Variants in WIF1 observed in about 807,000 individuals in gnomAD.
The protein encoded by WIF1 is Wnt inhibitory factor 1.
In WIF1, 35 loss-of-function variants were observed where a neutral mutation model predicts 53.5. The observed-to-expected ratio is 0.65, with a 90% CI of 0.50 to 0.87. The LOEUF (loss-of-function observed/expected upper bound fraction) is 0.87, where lower values mean the gene tolerates loss of function less well. Among genes scored for constraint, WIF1 ranks in the 40% least tolerant of loss-of-function variants. The pLI, the probability that WIF1 is intolerant of heterozygous loss-of-function variation, is 0.00. For missense variants in WIF1, 467 were observed against 476.8 expected (o/e 0.98, Z 0.19); for synonymous variants, 171 against 170.4 (o/e 1.00, Z -0.03).
At chr12:65,079,952 T>C (rs937681657) in intron 2 of WIF1, among the ~76,000 whole-genome samples, 2 of 152,280 alleles carry the variant, frequency 1.3e-5, no homozygotes, top group Non-Finnish European at 1.5e-5. Flanking sequence ...TGCAAAAGAA[T>C]ATGACCCTAC....
chr12:65,074,817 C>CAAAA (rs758690202), intron 3 of WIF1, among the ~76,000 whole-genome samples: 1,777 of 55,130 alleles, frequency 0.032, 128 homozygotes, highest in African/African-American at 0.095. Context: ...CACTCTGTCT[C>CAAAA]AAAAAAAAAA....
At chr12:65,116,204 G>T (rs1296704969) in intron 2 of WIF1, among the ~76,000 whole-genome samples, 1 of 152,102 alleles carries the variant, frequency 6.6e-6, no homozygotes, top group Non-Finnish European at 1.5e-5. Flanking sequence ...TACACCAGGG[G>T]TCCCCAACCC....
chr12:65,066,517 C>A, intron 6 of WIF1, 124 bp downstream of exon 6: 1 of 676,870 alleles, frequency 1.5e-6, no homozygotes. Context: ...ACTATAGCAG[C>A]CATCTTTACC....
chr12:65,080,877 T>C (rs1456455684), intron 2 of WIF1, among the ~76,000 whole-genome samples: 1 of 152,156 alleles, frequency 6.6e-6, no homozygotes, highest in Non-Finnish European at 1.5e-5. Context: ...TTGAGCTTTG[T>C]CACATTATAA....
intron 7 of WIF1, among the ~76,000 whole-genome samples, chr12:65,060,325 G>A (rs2136610716): frequency 6.6e-6 from 1 of 152,300 alleles, no homozygotes; most frequent in East Asian, 1.9e-4. Context: ...TAAACAAAAT[G>A]TGGTAAATCC....
Position 65,121,289 on chromosome 12 carries a change from CA to C in WIF1, c.-99del. On this transcript the variant is annotated 5_prime_UTR_variant, in exon 1 of 10. Transcript: ENST00000286574. ...TCTGCTGCGCTGCAGCTCCCTCAGC[CA>C]GGGCTGTTCCCGTTTAGACGGCTGG... is the stretch of plus-strand genomic sequence containing the variant. 7.7e-7 allele frequency: 1 copy of C among 1,300,616 alleles called. No homozygotes were observed. Among genetic ancestry groups the C allele is most frequent in the Non-Finnish European group, 9.8e-7 (1 of 1,021,168 alleles). The allele number at this position is 1,300,616 out of a possible 1,614,324, so 80.6% of individuals were successfully genotyped here. A position where few individuals can be genotyped will look rare whatever the true frequency, so the allele number is the denominator to read the frequency against.
intron 2 of WIF1, among the ~76,000 whole-genome samples, chr12:65,117,816 T>C (rs1883535939): frequency 6.6e-6 from 1 of 152,128 alleles, no homozygotes; most frequent in Admixed American, 6.5e-5. Context: ...CACACTCCTA[T>C]GAGAATCTTA....
intron 8 of WIF1, among the ~76,000 whole-genome samples, chr12:65,055,460 T>C (rs1465477653): frequency 6.6e-6 from 1 of 152,188 alleles, no homozygotes; most frequent in Non-Finnish European, 1.5e-5. Context: ...TGCTGGAGCA[T>C]GGAAGTTTAT....
rs1883199152 is a variant in WIF1, at chr12:65,096,031, A to C, written c.289-18177T>G. On this transcript the variant is annotated intron_variant, in intron 2 of 9. Coordinates refer to ENST00000286574, the MANE Select transcript of WIF1 (RefSeq NM_007191.5). ...AAATTGACAAATGGGATCTAAATAA[A>C]CTAAAGAGCTTCTGCACAGCAAAAG... Among the ~76,000 whole-genome samples the C allele has an allele frequency of 2.6e-5, 4 of 152,206 alleles. No homozygotes were observed. In the South Asian group the frequency reaches 6.2e-4, roughly 24 times the overall value.
chr12:65,093,420 A>G (rs1214798095), intron 2 of WIF1, among the ~76,000 whole-genome samples: 1 of 152,142 alleles, frequency 6.6e-6, no homozygotes, highest in African/African-American at 2.4e-5. Context: ...GAATATTAGG[A>G]CACACCTGAG....
chr12:65,067,852 GC>G, intron 4 of WIF1, 62 bp from the exon 5 acceptor site: 1 of 1,418,672 alleles, frequency 7.0e-7, no homozygotes, highest in Non-Finnish European at 9.9e-7. Flanking sequence ...GTGAATCACA[GC>G]CAGTGTGAGA....
intron 2 of WIF1, among the ~76,000 whole-genome samples, chr12:65,080,851 C>T (rs1882938086): frequency 6.6e-6 from 1 of 152,036 alleles, no homozygotes; most frequent in South Asian, 2.1e-4. Context: ...TCATTTGCTA[C>T]CCCATAATTA....
At chr12:65,060,836 C>T (rs1311514444) in intron 7 of WIF1, among the ~76,000 whole-genome samples, 1 of 152,132 alleles carries the variant, frequency 6.6e-6, no homozygotes, top group Non-Finnish European at 1.5e-5. Context: ...GAAACTTCCG[C>T]AAAGATTTTG....
chr12:65,071,923 G>T (rs1882779437), intron 3 of WIF1, among the ~76,000 whole-genome samples: 1 of 152,118 alleles, frequency 6.6e-6, no homozygotes, highest in African/African-American at 2.4e-5. Flanking sequence ...ATTACAGAAA[G>T]ATGTGATAAA....
At chr12:65,114,633 TA>T (rs767837966) in intron 2 of WIF1, among the ~76,000 whole-genome samples, 25 of 152,374 alleles carry the variant, frequency 1.6e-4, no homozygotes, top group Non-Finnish European at 2.9e-4. Context: ...TCATTTGTAA[TA>T]AACCTTACAT....
At chr12:65,068,982 G>C in intron 3 of WIF1, 78 bp from the exon 4 acceptor site, 13 of 1,509,292 alleles carry the variant, frequency 8.6e-6, no homozygotes, top group Non-Finnish European at 1.2e-5. Context: ...TGGGAACCAA[G>C]AGTCAAAGGA....
intron 2 of WIF1, among the ~76,000 whole-genome samples, chr12:65,097,316 G>C (rs1883220517): frequency 1.3e-5 from 2 of 152,138 alleles, no homozygotes. Flanking sequence ...TTGCTCAAAA[G>C]AGAGGACAAG....
intron 2 of WIF1, among the ~76,000 whole-genome samples, chr12:65,100,295 A>G (rs561863157): frequency 1.3e-5 from 2 of 152,294 alleles, no homozygotes; most frequent in East Asian, 3.9e-4. Context: ...GGATCTTAAC[A>G]GCCCTGATGA....
intron 2 of WIF1, among the ~76,000 whole-genome samples, chr12:65,096,581 G>A (rs990535162): frequency 2.0e-5 from 3 of 152,134 alleles, no homozygotes; most frequent in African/African-American, 7.2e-5. Flanking sequence ...GTTTATTGCA[G>A]CACTATGTAC....
Sources: gnomAD v4.1 joint callset for allele counts (sites outside exome capture counted in the v4.1 genomes callset) on GRCh38, gnomAD v4.1.1 for gene constraint, MANE v1.5 for transcripts, NCBI Gene and HGNC (gene_info 2026-07-23, HGNC 2026-07-21) for gene names.